Variants in DAPP1 observed in about 807,000 individuals in gnomAD.
DAPP1 encodes the protein dual adapter for phosphotyrosine and 3-phosphotyrosine and 3-phosphoinositide.
A neutral mutation model predicts 41.5 loss-of-function variants in DAPP1; 20 were observed. The ratio of observed to expected loss-of-function variants is 0.48; its 90% CI spans 0.34 to 0.70. The LOEUF (loss-of-function observed/expected upper bound fraction) is 0.70. DAPP1 is among the 30% of genes least tolerant of loss of function. DAPP1 has a pLI of 0.01. For missense variants in DAPP1, 233 were observed against 333.4 expected (o/e 0.70, Z 2.35); for synonymous variants, 113 against 116.2 (o/e 0.97, Z 0.18).
At chr4:99,865,931 TATAA>T (rs1724422612) in intron 7 of DAPP1, 99 bp from the exon 8 acceptor site, 1 of 53,096 alleles carries the variant, frequency 1.9e-5, no homozygotes, top group Non-Finnish European at 3.5e-5. Flanking sequence ...ATATAATATA[TATAA>T]TATATTATAT....
chr4:99,866,179 C>A, intron 8 of DAPP1, 58 bp downstream of exon 8: 1 of 932,932 alleles, frequency 1.1e-6, no homozygotes, highest in South Asian at 1.4e-5. Flanking sequence ...TTGATGATTT[C>A]AAACATATTT....
chr4:99,827,164 GT>G (rs1220214446), intron 1 of DAPP1, among the ~76,000 whole-genome samples: 1 of 152,184 alleles, frequency 6.6e-6, no homozygotes, highest in African/African-American at 2.4e-5. Flanking sequence ...GAGGTTGTGT[GT>G]GGTCCATGTT....
At chr4:99,840,728 A>C (rs1215275011) in intron 3 of DAPP1, among the ~76,000 whole-genome samples, 18 of 152,240 alleles carry the variant, frequency 1.2e-4, no homozygotes, top group Non-Finnish European at 8.8e-5. Flanking sequence ...GGCAGTTTGC[A>C]TATGAGTGAG....
chr4:99,817,864 A>G (rs1434407620), intron 1 of DAPP1, among the ~76,000 whole-genome samples: 2 of 152,254 alleles, frequency 1.3e-5, no homozygotes, highest in East Asian at 3.8e-4. Context: ...AACTCTTCAT[A>G]GCAATCCAAT....
intron 1 of DAPP1, among the ~76,000 whole-genome samples, chr4:99,826,392 C>A (rs1722938079): frequency 6.6e-6 from 1 of 152,172 alleles, no homozygotes; most frequent in Non-Finnish European, 1.5e-5. Context: ...TGTTTTAACA[C>A]AATCAGGAGT....
intron 4 of DAPP1, among the ~76,000 whole-genome samples, chr4:99,856,374 G>T (rs1210159897): frequency 1.3e-5 from 2 of 152,184 alleles, no homozygotes; most frequent in Non-Finnish European, 2.9e-5. Flanking sequence ...GTCAAGATGT[G>T]GAAAGAGTGC....
intron 3 of DAPP1, among the ~76,000 whole-genome samples, chr4:99,845,257 G>C (rs1055230233): frequency 5.3e-5 from 8 of 152,180 alleles, no homozygotes; most frequent in Admixed American, 2.6e-4. Flanking sequence ...TGGTTCTAAA[G>C]CATAGATGCT....
In DAPP1 at chr4:99,853,446, C is replaced by G. The variant is rs1469881053; in HGVS notation, c.489+98C>G. On this transcript the variant is annotated intron_variant, in intron 4 of 8. Transcript: ENST00000512369. ...GAGTGTATTTGTTCACATAAAAATT[C>G]TAGCTTGGAATATAAAACTTGGAAA... 2.7e-6 allele frequency: 4 copies of G among 1,456,808 alleles called. No individual in the cohort carries two copies. The African/African-American group carries it at 5.7e-5, about 21-fold the overall frequency. The allele number at this position is 1,456,808 out of a possible 1,614,324, so 90.2% of individuals were successfully genotyped here. A position where few individuals can be genotyped will look rare whatever the true frequency, so the allele number is the denominator to read the frequency against.
At chr4:99,823,050 T>G (rs1177737832) in intron 1 of DAPP1, among the ~76,000 whole-genome samples, 1 of 152,206 alleles carries the variant, frequency 6.6e-6, no homozygotes, top group African/African-American at 2.4e-5. Flanking sequence ...TAATCACTTG[T>G]TTTAATAACA....
chr4:99,853,662 A>T (rs1218141858), intron 4 of DAPP1, among the ~76,000 whole-genome samples: 1 of 152,096 alleles, frequency 6.6e-6, no homozygotes, highest in Admixed American at 6.6e-5. Context: ...AACAAACTTT[A>T]AAAAATATTA....
At chr4:99,836,025 T>A (rs761130265) in intron 2 of DAPP1, among the ~76,000 whole-genome samples, 1 of 152,182 alleles carries the variant, frequency 6.6e-6, no homozygotes, top group Non-Finnish European at 1.5e-5. Flanking sequence ...GTGGAATGTC[T>A]GGTACCTCAA....
At chr4:99,817,819 C>A (rs1412309172) in intron 1 of DAPP1, among the ~76,000 whole-genome samples, 1 of 152,230 alleles carries the variant, frequency 6.6e-6, no homozygotes, top group African/African-American at 2.4e-5. Context: ...TGAGGAGAGG[C>A]AAAACCTTTA....
At chr4:99,854,077 C>G (rs750906309) in intron 4 of DAPP1, among the ~76,000 whole-genome samples, 1 of 152,080 alleles carries the variant, frequency 6.6e-6, no homozygotes, top group Non-Finnish European at 1.5e-5. Context: ...ATTATTTTTT[C>G]TAGCTTTTTT....
intron 4 of DAPP1, among the ~76,000 whole-genome samples, chr4:99,859,930 C>G (rs1036936790): frequency 1.5e-4 from 23 of 152,236 alleles, no homozygotes; most frequent in Admixed American, 4.6e-4. Flanking sequence ...CCACCCTGTA[C>G]TAAGGTGCTT....
chr4:99,834,548 G>A (rs753217663), intron 1 of DAPP1, among the ~76,000 whole-genome samples: 22 of 152,168 alleles, frequency 1.4e-4, no homozygotes, highest in African/African-American at 3.6e-4. Context: ...ATCCAGCTTC[G>A]TTTCACTCAT....
downstream of DAPP1, among the ~76,000 whole-genome samples, chr4:99,871,295 T>C (rs1724620659): frequency 6.6e-6 from 1 of 152,212 alleles, no homozygotes; most frequent in Admixed American, 6.5e-5. Context: ...TAGCCAAGTA[T>C]ACTACACAGC....
Position 99,863,051 on chromosome 4 carries a change from G to A in DAPP1, c.579G>A (p.Leu193=). Reference sequence around the variant, plus strand: ...GGTTTACTCTGCACAGGAATGAACTGAAATACTTCAAAGACCAGATGGTGA... The same window carrying A: ...GGTTTACTCTGCACAGGAATGAACTAAAATACTTCAAAGACCAGATGGTGA... ...TRWFTLHRNE[L]KYFKDQMSPE... Residue 193 remains leucine, a synonymous_variant, in exon 6 of 9, where the codon CTG becomes CTA. Transcript: ENST00000512369. 2 of 1,587,666 alleles carry A rather than the reference G, an allele frequency of 1.3e-6. No homozygotes were observed. The highest frequency in any genetic ancestry group is 1.7e-6 in the Non-Finnish European group (2 of 1,170,806).
intron 8 of DAPP1, among the ~76,000 whole-genome samples, chr4:99,866,384 A>G (rs1181669435): frequency 2.0e-5 from 3 of 152,190 alleles, no homozygotes; most frequent in Admixed American, 2.0e-4. Context: ...CAGACTTCCT[A>G]TAAGGTGTGT....
chr4:99,855,852 A>G (rs1343702441), intron 4 of DAPP1, among the ~76,000 whole-genome samples: 3 of 152,144 alleles, frequency 2.0e-5, no homozygotes, highest in Non-Finnish European at 4.4e-5. Context: ...AAACTTCTGC[A>G]TTTTCTTTTT....
Sources: allele counts gnomAD v4.1 joint callset (sites outside exome capture counted in the v4.1 genomes callset), GRCh38; gene constraint gnomAD v4.1.1; transcripts MANE v1.5; gene names NCBI Gene and HGNC (gene_info 2026-07-23, HGNC 2026-07-21).